The following BCCIP variants were observed in gnomAD, a reference collection of about 807,000 sequenced individuals.
BCCIP encodes the protein BRCA2 and CDKN1A interacting protein.
Under a neutral mutation model 32.8 loss-of-function variants are expected in BCCIP, and 23 were observed. The observed-to-expected ratio is 0.70, with a 90% CI of 0.51 to 0.99. The LOEUF is 0.99. BCCIP is among the 50% of genes least tolerant of loss of function. The pLI, the probability that BCCIP is intolerant of heterozygous loss-of-function variation, is 0.00. For missense variants in BCCIP, 378 were observed against 379.8 expected (o/e 1.00, Z 0.04); for synonymous variants, 144 against 137.6 (o/e 1.05, Z -0.33).
At chr10:125,843,346 G>A (rs1395862937), downstream of BCCIP, among the ~76,000 whole-genome samples, 1 of 152,102 alleles carries the variant, frequency 6.6e-6, no homozygotes, top group Non-Finnish European at 1.5e-5. Context: ...CAGGCAAACT[G>A]AGTAGCTCAA....
chr10:125,827,951 G>A (rs1295069764), intron 3 of BCCIP, among the ~76,000 whole-genome samples: 1 of 113,446 alleles, frequency 8.8e-6, no homozygotes, highest in African/African-American at 3.4e-5. Context: ...GGGCAACACA[G>A]CAAGACCCTA....
downstream of BCCIP, among the ~76,000 whole-genome samples, chr10:125,837,247 C>G (rs141088123): frequency 1.2e-4 from 19 of 152,316 alleles, no homozygotes; most frequent in African/African-American, 4.3e-4. Flanking sequence ...CACTCCACAT[C>G]CAGCTGCGTA....
chr10:125,848,180 G>C (rs1944048620), intron 7 of BCCIP, among the ~76,000 whole-genome samples: 1 of 152,174 alleles, frequency 6.6e-6, no homozygotes, highest in East Asian at 1.9e-4. Flanking sequence ...GAAGAATGAA[G>C]AGATGGTGTA....
chr10:125,833,026 G>T (rs1854561039), intron 5 of BCCIP, among the ~76,000 whole-genome samples: 1 of 151,724 alleles, frequency 6.6e-6, no homozygotes, highest in African/African-American at 2.4e-5. Flanking sequence ...GGAGGCTTAG[G>T]CACGAAAATC....
intron 6 of BCCIP, among the ~76,000 whole-genome samples, chr10:125,835,646 G>C (rs548359789): frequency 8.5e-5 from 13 of 152,242 alleles, no homozygotes; most frequent in Admixed American, 3.3e-4. Context: ...TGACCATTTG[G>C]GGGGAGTGTG....
rs780449352 is a variant in BCCIP at position 125,830,670 on chromosome 10, C to T, written c.411+19C>T. ...AAGAAAGGTTGGTTTCACTGGATGG[C>T]ATCTGAATGGTTATTTCTTAGGCCA... On this transcript the variant is annotated intron_variant, in intron 4 of 6. Coordinates refer to ENST00000278100, the MANE Select transcript of BCCIP (RefSeq NM_078468.3). The T allele has an allele frequency of 1.1e-5, 16 of 1,476,456 alleles. No individual in the cohort carries two copies. Among genetic ancestry groups the T allele is most frequent in the African/African-American group, 9.8e-5 (7 of 71,270 alleles). The allele number at this position is 1,476,456 out of a possible 1,614,324, so 91.5% of individuals were successfully genotyped here.
intron 7 of BCCIP, among the ~76,000 whole-genome samples, chr10:125,849,544 C>T (rs1401479330): frequency 1.3e-5 from 2 of 152,096 alleles, no homozygotes; most frequent in African/African-American, 4.8e-5. Context: ...GTGTAACCTT[C>T]ATTAACTTAA....
chr10:125,839,448 T>G (rs1242354710), downstream of BCCIP, among the ~76,000 whole-genome samples: 1 of 152,188 alleles, frequency 6.6e-6, no homozygotes, highest in Non-Finnish European at 1.5e-5. Flanking sequence ...CAGCCAACTG[T>G]GGAAACTGTT....
downstream of BCCIP, among the ~76,000 whole-genome samples, chr10:125,847,258 G>A (rs1198434431): frequency 6.6e-6 from 1 of 152,176 alleles, no homozygotes; most frequent in Non-Finnish European, 1.5e-5. Context: ...GGAACCTAGA[G>A]ATACAGGGAT....
chr10:125,849,970 TTTTG>T (rs1024925361), intron 7 of BCCIP, among the ~76,000 whole-genome samples: 3 of 152,102 alleles, frequency 2.0e-5, no homozygotes, highest in African/African-American at 7.2e-5. Flanking sequence ...CTGTAGAATC[TTTTG>T]TTTCTCTTTT....
chr10:125,834,262 G>A (rs1018958623), intron 6 of BCCIP, among the ~76,000 whole-genome samples: 3 of 152,112 alleles, frequency 2.0e-5, no homozygotes, highest in Non-Finnish European at 4.4e-5. Context: ...AAAACCATGC[G>A]GAGAGGTAGA....
chr10:125,839,653 A>G (rs1854815071), downstream of BCCIP, among the ~76,000 whole-genome samples: 1 of 152,242 alleles, frequency 6.6e-6, no homozygotes, highest in Non-Finnish European at 1.5e-5. Context: ...ATTTAATGAT[A>G]AGAACAGGAT....
At chr10:125,832,090 C>T (rs1854533730) in intron 5 of BCCIP, among the ~76,000 whole-genome samples, 1 of 152,068 alleles carries the variant, frequency 6.6e-6, no homozygotes, top group South Asian at 2.1e-4. Context: ...AAAAATATTT[C>T]AAATGTAGCT....
At chr10:125,828,377 G>A (rs1364843404) in intron 3 of BCCIP, among the ~76,000 whole-genome samples, 2 of 152,172 alleles carry the variant, frequency 1.3e-5, no homozygotes, top group Non-Finnish European at 2.9e-5. Flanking sequence ...GGTCGTAAAT[G>A]TTACTGAGGT....
At chr10:125,824,498 T>G (rs1854309327) in intron 1 of BCCIP, among the ~76,000 whole-genome samples, 1 of 152,182 alleles carries the variant, frequency 6.6e-6, no homozygotes, top group Non-Finnish European at 1.5e-5. Flanking sequence ...GCCCCTAAAG[T>G]CACCAGCTGC....
intron 7 of BCCIP, chr10:125,852,977 C>T (rs376019566): frequency 3.1e-6 from 2 of 648,516 alleles, no homozygotes; most frequent in Non-Finnish European, 5.4e-6. Context: ...AGAAAGGGTT[C>T]TCACCTGATA....
At chr10:125,830,222 C>T (rs1270047684) in intron 3 of BCCIP, among the ~76,000 whole-genome samples, 1 of 152,162 alleles carries the variant, frequency 6.6e-6, no homozygotes, top group African/African-American at 2.4e-5. Context: ...TGAGGTTTAT[C>T]TCTTCTGGAT....
At chr10:125,834,419 A>T (rs2185740) in intron 6 of BCCIP, among the ~76,000 whole-genome samples, 69,414 of 151,870 alleles carry the variant, frequency 0.46, 16,337 homozygotes, top group African/African-American at 0.56. Flanking sequence ...CTGGTGGGAT[A>T]TCTCCAGCAT....
downstream of BCCIP, chr10:125,838,120 C>A (rs1854755117): frequency 7.5e-7 from 1 of 1,329,370 alleles, no homozygotes; most frequent in Non-Finnish European, 1.0e-6. Context: ...AACTTTAGAA[C>A]TAAGAATAAA....
Sources: allele counts gnomAD v4.1 joint callset (sites outside exome capture counted in the v4.1 genomes callset), GRCh38; gene constraint gnomAD v4.1.1; transcripts MANE v1.5; gene names NCBI Gene and HGNC (gene_info 2026-07-23, HGNC 2026-07-21).